VAV1: variants seen among roughly 807,000 people sequenced by gnomAD.
VAV1 encodes the protein proto-oncogene vav.
Under a neutral mutation model 128.1 loss-of-function variants are expected in VAV1, and 33 were observed. The ratio of observed to expected loss-of-function variants is 0.26; its 90% confidence interval spans 0.20 to 0.34. The LOEUF is 0.34. Among genes scored for constraint, VAV1 ranks in the 10% least tolerant of loss-of-function variants. The pLI is 1.00. For synonymous variants in VAV1, 394 were observed against 409.8 expected (o/e 0.96, Z 0.47); for missense variants, 715 against 1,093.7 (o/e 0.65, Z 4.88).
At chr19:6,854,711 A>T (rs948636529) in intron 26 of VAV1, among the ~76,000 whole-genome samples, 9 of 151,920 alleles carry the variant, frequency 5.9e-5, no homozygotes, top group African/African-American at 2.2e-4. Flanking sequence ...CCCTGTCTTT[A>T]AAAAAAAGAA....
chr19:6,833,764 C>G (rs765892882), intron 18 of VAV1, 31 bp downstream of exon 18: 73 of 1,613,976 alleles, frequency 4.5e-5, no homozygotes, highest in Non-Finnish European at 5.7e-5. Flanking sequence ...TTCCTGTGTA[C>G]CACAAATAAT....
chr19:6,779,868 T>G (rs1358691011), intron 1 of VAV1, among the ~76,000 whole-genome samples: 1 of 149,550 alleles, frequency 6.7e-6, no homozygotes, highest in Non-Finnish European at 1.5e-5. Flanking sequence ...TTCCAGCACT[T>G]TGGGAGGCCG....
At chr19:6,798,564 G>C (rs1461533988) in intron 1 of VAV1, among the ~76,000 whole-genome samples, 1 of 152,032 alleles carries the variant, frequency 6.6e-6, no homozygotes, top group Non-Finnish European at 1.5e-5. Context: ...GAGATGGGAG[G>C]ATCATTTGAA....
At chr19:6,798,665 C>T (rs1005262864) in intron 1 of VAV1, among the ~76,000 whole-genome samples, 2 of 151,430 alleles carry the variant, frequency 1.3e-5, no homozygotes, top group African/African-American at 2.4e-5. Flanking sequence ...CCCTTCCCCC[C>T]CCCACCCAAA....
At chr19:6,809,196 C>T (rs1250032903) in intron 1 of VAV1, among the ~76,000 whole-genome samples, 4 of 151,808 alleles carry the variant, frequency 2.6e-5, no homozygotes, top group African/African-American at 9.7e-5. Context: ...TCCTCAGCCT[C>T]CTGAGTAGCT....
In VAV1 at chr19:6,828,616, C is replaced by T; in HGVS notation, c.1093-6C>T. On this transcript the variant is annotated splice_polypyrimidine_tract_variant and splice_region_variant and intron_variant, in intron 11 of 26. Coordinates refer to ENST00000602142, the MANE Select transcript of VAV1 (RefSeq NM_005428.4). The surrounding 1 kb of genome is among the most constrained non-coding windows in gnomAD (Gnocchi z 4.5). ...GGGGCCAGGTTCACCCCTGCCCCCT[C>T]CCCAGGACCTGGCTCAGTGCGTGAA... 6.2e-7 allele frequency: 1 copy of T among 1,613,930 alleles called. No homozygotes were observed. The highest frequency in any genetic ancestry group is 8.5e-7 in the Non-Finnish European group (1 of 1,179,926).
rs1002823385 is a variant in VAV1, at chr19:6,774,427, C to CTT, written c.204+1440_204+1441dup. ...ACAGGTGTGAGCCACCGCGCCCAGCCTTTTTTTTTTTTTTTTTTTTTTTTT... is the reference window on the plus strand; with the variant it reads ...ACAGGTGTGAGCCACCGCGCCCAGCCTTTTTTTTTTTTTTTTTTTTTTTTTTT... On this transcript the variant is annotated intron_variant, in intron 1 of 26. Coordinates refer to ENST00000602142, the MANE Select transcript of VAV1 (RefSeq NM_005428.4). Among the ~76,000 whole-genome samples, 302 of 91,564 alleles carry CTT rather than the reference C, an allele frequency of 3.3e-3. 7 individuals are homozygous for CTT. Among genetic ancestry groups the CTT allele is most frequent in the African/African-American group, 0.013 (240 of 17,792 alleles). 60.1% of individuals were successfully genotyped at this position (91,564 alleles called of 152,430 possible). A position where few individuals can be genotyped will look rare whatever the true frequency, so the allele number is the denominator to read the frequency against.
rs147546726 is a variant in VAV1 at position 6,838,892 on chromosome 19, C to CTTTATTTA, written c.1980+1863_1980+1870dup. 2.5e-3 allele frequency among the ~76,000 whole-genome samples: 374 copies of CTTTATTTA among 150,080 alleles called. 2 individuals are homozygous for CTTTATTTA. The highest frequency in any genetic ancestry group is 8.4e-3 in the African/African-American group (338 of 40,038). ...CACAGATGCAAGCCATTATGCTCAGCTTTATTTATTTATTTATTTATTTAT... is the reference window on the plus strand; with the variant it reads ...CACAGATGCAAGCCATTATGCTCAGCTTTATTTATTTATTTATTTATTTATTTATTTAT... On this transcript the variant is annotated intron_variant, in intron 21 of 26. Transcript: ENST00000602142.
intron 21 of VAV1, among the ~76,000 whole-genome samples, chr19:6,841,275 G>A (rs142118030): frequency 3.9e-5 from 6 of 152,052 alleles, no homozygotes; most frequent in South Asian, 2.1e-4. Context: ...TTGTTTATCC[G>A]TTTTCCTGTC....
chr19:6,842,009 T>C (rs1972389944), intron 21 of VAV1, among the ~76,000 whole-genome samples: 1 of 151,884 alleles, frequency 6.6e-6, no homozygotes. Context: ...GTGGATCACC[T>C]GAGCTCGGGA....
At chr19:6,845,226 C>CA (rs552705151) in intron 22 of VAV1, among the ~76,000 whole-genome samples, 1,518 of 150,572 alleles carry the variant, frequency 0.01, 24 homozygotes, top group African/African-American at 0.035. Flanking sequence ...ACTAAAAATA[C>CA]AAAAAAAAAT....
chr19:6,792,495 G>A (rs1400591099), intron 1 of VAV1, among the ~76,000 whole-genome samples: 1 of 152,162 alleles, frequency 6.6e-6, no homozygotes, highest in East Asian at 1.9e-4. Flanking sequence ...GGAGGAACAG[G>A]TCTTGGGGAG....
At chr19:6,834,868 G>A (rs1972181817) in intron 19 of VAV1, among the ~76,000 whole-genome samples, 2 of 151,110 alleles carry the variant, frequency 1.3e-5, no homozygotes, top group South Asian at 4.1e-4. Context: ...AGCACTTTGA[G>A]AGGCCAAGGC....
intron 23 of VAV1, among the ~76,000 whole-genome samples, chr19:6,849,150 T>C (rs1256712113): frequency 6.6e-6 from 1 of 151,738 alleles, no homozygotes; most frequent in Non-Finnish European, 1.5e-5. Context: ...GTTACAAAGG[T>C]ATATTGCACA....
At position 6,822,348 on chromosome 19, in the gene VAV1, C is replaced by T. The variant is rs763007742; in HGVS notation, c.558+19C>T. On this transcript the variant is annotated intron_variant, in intron 5 of 26. Transcript: ENST00000602142. This position sits in a 1 kb window ranked among gnomAD's most constrained non-coding sequence, Gnocchi z 5.9. ...CATGCCGGTGCGTGACGTGGAGGGT[C>T]GGGCCTGGGGAGGGCGTGGGCGGGG... is the stretch of plus-strand genomic sequence containing the variant. 6.0e-5 allele frequency: 38 copies of T among 628,316 alleles called. No individual in the cohort carries two copies. Among genetic ancestry groups the T allele is most frequent in the Non-Finnish European group, 9.7e-5 (36 of 371,988 alleles). The allele number at this position is 628,316 out of a possible 1,614,324, so 38.9% of individuals were successfully genotyped here.
chr19:6,783,764 T>A (rs1205192042), intron 1 of VAV1, among the ~76,000 whole-genome samples: 1 of 151,336 alleles, frequency 6.6e-6, no homozygotes, highest in Admixed American at 6.6e-5. Flanking sequence ...CACCATGCCC[T>A]GCCTCCATTC....
intron 23 of VAV1, among the ~76,000 whole-genome samples, chr19:6,850,221 C>CT (rs1972632188): frequency 5.7e-5 from 3 of 52,944 alleles, no homozygotes; most frequent in African/African-American, 9.1e-5. Flanking sequence ...TTGTTTGTTT[C>CT]TTTGTTTTTT....
chr19:6,849,925 A>G lies in VAV1; in HGVS notation c.2130-745A>G, dbSNP rs372459204. Among the ~76,000 whole-genome samples, 41 of 152,182 alleles carry G rather than the reference A, an allele frequency of 2.7e-4. No individual in the cohort carries two copies. In the East Asian group the frequency reaches 7.4e-3, roughly 27 times the overall value. The stretch of plus-strand genomic sequence containing the variant: ...GGGTGTGTGTCTTTCTGGTAGCACA[A>G]TTACTTTTTCCTTTGGGTAGATACC... On this transcript the variant is annotated intron_variant, in intron 23 of 26. Coordinates refer to ENST00000602142, the MANE Select transcript of VAV1 (RefSeq NM_005428.4).
At chr19:6,804,354 T>G (rs1182354366) in intron 1 of VAV1, among the ~76,000 whole-genome samples, 5 of 152,068 alleles carry the variant, frequency 3.3e-5, no homozygotes. Context: ...TGACTGCTCT[T>G]GCAGGGCTAC....
Sources: allele counts gnomAD v4.1 joint callset (sites outside exome capture counted in the v4.1 genomes callset), GRCh38; gene constraint gnomAD v4.1.1; non-coding constraint Gnocchi (gnomAD v3.1); transcripts MANE v1.5; gene names NCBI Gene and HGNC (gene_info 2026-07-23, HGNC 2026-07-21).